NACC2: variants seen among roughly 807,000 people sequenced by gnomAD.
The protein encoded by NACC2 is NACC family member 2.
NACC2 carries 8 observed loss-of-function variants against 25.1 expected under a neutral mutation model. The observed-to-expected ratio is 0.32, with a 90% CI of 0.19 to 0.57. The LOEUF is 0.57. NACC2 is among the 20% of genes least tolerant of loss of function. NACC2 has a pLI of 0.89. For missense variants in NACC2, 644 were observed against 650.2 expected (o/e 0.99, Z 0.10); for synonymous variants, 435 against 294.7 (o/e 1.48, Z -4.88).
chr9:136,060,259 G>A (rs1217742050), intron 1 of NACC2, among the ~76,000 whole-genome samples: 1 of 152,238 alleles, frequency 6.6e-6, no homozygotes, highest in Non-Finnish European at 1.5e-5. Flanking sequence ...CAACACCGAA[G>A]AATCTTGTGT....
At chr9:136,068,178 C>A (rs946890290) in intron 1 of NACC2, among the ~76,000 whole-genome samples, 3 of 152,064 alleles carry the variant, frequency 2.0e-5, no homozygotes, top group South Asian at 4.1e-4. Flanking sequence ...AACATTTAGG[C>A]TACACTACAT....
intron 2 of NACC2, among the ~76,000 whole-genome samples, chr9:136,042,828 TCACA>T (rs1400318825): frequency 8.5e-6 from 1 of 117,728 alleles, no homozygotes; most frequent in African/African-American, 3.4e-5. Flanking sequence ...AGGCAGGAAT[TCACA>T]CACAGACACA....
intron 2 of NACC2, among the ~76,000 whole-genome samples, chr9:136,023,774 A>G (rs1564221141): frequency 1.3e-5 from 2 of 152,212 alleles, no homozygotes; most frequent in South Asian, 4.1e-4. Flanking sequence ...GGTTGAATCA[A>G]TCCCACCTAT....
intron 1 of NACC2, among the ~76,000 whole-genome samples, chr9:136,077,423 A>G (rs1451548673): frequency 6.6e-6 from 1 of 152,250 alleles, no homozygotes; most frequent in Non-Finnish European, 1.5e-5. Context: ...GGCACAAAGG[A>G]CATTGTTGAT....
intron 1 of NACC2, among the ~76,000 whole-genome samples, chr9:136,059,530 A>G (rs1412129095): frequency 6.6e-6 from 1 of 152,228 alleles, no homozygotes; most frequent in Non-Finnish European, 1.5e-5. Flanking sequence ...TGGTCCACTC[A>G]GGGAGCTGGG....
rs552540569 is a variant in NACC2, at chr9:136,079,896, C to T, written c.-60+15293G>A. Among the ~76,000 whole-genome samples the T allele has an allele frequency of 2.6e-5, 4 of 152,336 alleles. No homozygotes were observed. The East Asian group carries it at 5.8e-4, about 22-fold the overall frequency. On this transcript the variant is annotated intron_variant, in intron 1 of 5. Coordinates refer to ENST00000277554, the MANE Select transcript of NACC2 (RefSeq NM_144653.5). Reference sequence around the variant, plus strand: ...GCCACAGCCGTGCTGTGGAAGGAGCCGCTAGCCCTGCCACCTGTTCCCCAA... The same window carrying T: ...GCCACAGCCGTGCTGTGGAAGGAGCTGCTAGCCCTGCCACCTGTTCCCCAA...
intron 2 of NACC2, among the ~76,000 whole-genome samples, chr9:136,036,454 C>T (rs1018936372): frequency 5.3e-5 from 8 of 152,126 alleles, no homozygotes; most frequent in African/African-American, 2.4e-5. Context: ...CTAGCATTAG[C>T]TGATACAGGT....
chr9:136,070,026 T>C (rs1235060035), intron 1 of NACC2, among the ~76,000 whole-genome samples: 2 of 151,854 alleles, frequency 1.3e-5, no homozygotes, highest in Admixed American at 6.5e-5. Flanking sequence ...GTGGAACATA[T>C]GCCAAGACAG....
intron 1 of NACC2, among the ~76,000 whole-genome samples, chr9:136,050,829 TGC>T (rs1295513435): frequency 6.6e-6 from 1 of 151,106 alleles, no homozygotes; most frequent in Non-Finnish European, 1.5e-5. Flanking sequence ...CCGGCAGGAG[TGC>T]GCCCACGCCA....
chr9:136,023,408 G>A (rs1047665300), intron 2 of NACC2, among the ~76,000 whole-genome samples: 26 of 152,056 alleles, frequency 1.7e-4, no homozygotes, highest in Admixed American at 1.4e-3. Context: ...TGGGCTTCTC[G>A]ACCAGCTCAA....
rs924173825 is a variant in NACC2 at position 136,094,017 on chromosome 9, C to T, written c.-60+1172G>A. Among the ~76,000 whole-genome samples, 4 of 152,354 alleles carry T rather than the reference C, an allele frequency of 2.6e-5. No homozygotes were observed. In the East Asian group the frequency reaches 5.8e-4, roughly 22 times the overall value. On this transcript the variant is annotated intron_variant, in intron 1 of 5. Coordinates refer to ENST00000277554, the MANE Select transcript of NACC2 (RefSeq NM_144653.5). ...CGACCTGGAGGGACACGGACTCTGG[C>T]AGGAGAGTGCGGCCGCGCTGGCGGG...
chr9:136,076,637 T>C (rs893290476), intron 1 of NACC2, among the ~76,000 whole-genome samples: 1 of 152,182 alleles, frequency 6.6e-6, no homozygotes, highest in African/African-American at 2.4e-5. Flanking sequence ...ATGGGAATGT[T>C]CTTACTGCCA....
chr9:136,063,163 G>A (rs955392571), intron 1 of NACC2, among the ~76,000 whole-genome samples: 5 of 152,202 alleles, frequency 3.3e-5, no homozygotes, highest in African/African-American at 9.6e-5. Flanking sequence ...CAAACGTGTG[G>A]TTTGAGCCGC....
chr9:136,043,774 T>A (rs574247062), intron 2 of NACC2, among the ~76,000 whole-genome samples: 1 of 152,206 alleles, frequency 6.6e-6, no homozygotes, highest in Non-Finnish European at 1.5e-5. Flanking sequence ...TTGCACTTGA[T>A]TGCACAGTGA....
intron 2 of NACC2, among the ~76,000 whole-genome samples, chr9:136,043,452 C>G (rs995030819): frequency 1.3e-5 from 2 of 152,264 alleles, no homozygotes; most frequent in Non-Finnish European, 2.9e-5. Flanking sequence ...TCAAGGCTGA[C>G]AGAGAACCCC....
intron 1 of NACC2, among the ~76,000 whole-genome samples, chr9:136,077,496 G>C (rs1244763105): frequency 6.6e-6 from 1 of 152,212 alleles, no homozygotes; most frequent in Non-Finnish European, 1.5e-5. Flanking sequence ...AACAAGCCGA[G>C]AAGGACAGAC....
rs1840080475 is a variant in NACC2, at chr9:136,009,998, G to A, written c.*1518C>T. 1 of 152,246 alleles carries A rather than the reference G, an allele frequency of 6.6e-6. No individual in the cohort carries two copies. The highest frequency in any genetic ancestry group is 2.4e-5 in the African/African-American group (1 of 41,402). The allele number at this position is 152,246 out of a possible 1,614,324, so 9.4% of individuals were successfully genotyped here. A position where few individuals can be genotyped will look rare whatever the true frequency, so the allele number is the denominator to read the frequency against. The stretch of plus-strand genomic sequence containing the variant: ...GGAAGGAGGGCTGCCCCTGGACAAG[G>A]ACACAGGCCTCCAAAACAAAAGGGA... On this transcript the variant is annotated 3_prime_UTR_variant, in exon 6 of 6. Coordinates refer to ENST00000277554, the MANE Select transcript of NACC2 (RefSeq NM_144653.5).
chr9:136,053,517 C>T (rs1840879552), intron 1 of NACC2, among the ~76,000 whole-genome samples: 1 of 152,220 alleles, frequency 6.6e-6, no homozygotes, highest in African/African-American at 2.4e-5. Flanking sequence ...CACCCTCCAC[C>T]CTCAGGTCCC....
At chr9:136,028,862 T>G (rs1840434452) in intron 2 of NACC2, among the ~76,000 whole-genome samples, 1 of 152,316 alleles carries the variant, frequency 6.6e-6, no homozygotes, top group African/African-American at 2.4e-5. Flanking sequence ...CTGGGCACTG[T>G]CATGACCTGG....
Sources: gnomAD v4.1 joint callset for allele counts (sites outside exome capture counted in the v4.1 genomes callset) on GRCh38, gnomAD v4.1.1 for gene constraint, MANE v1.5 for transcripts, NCBI Gene and HGNC (gene_info 2026-07-23, HGNC 2026-07-21) for gene names.